MAGI2: variants seen among roughly 807,000 people sequenced by gnomAD.
MAGI2 encodes the protein membrane-associated guanylate kinase, WW and PDZ domain-containing protein 2.
In MAGI2, 35 loss-of-function variants were observed where a neutral mutation model predicts 133.3. That is an observed-to-expected ratio of 0.26 (90% CI 0.20 to 0.35). The LOEUF is 0.35. Among genes scored for constraint, MAGI2 ranks in the 10% least tolerant of loss-of-function variants. The pLI, the probability that MAGI2 is intolerant of heterozygous loss-of-function variation, is 1.00. For missense variants in MAGI2, 1,636 were observed against 1,863.4 expected, an observed-to-expected ratio of 0.88 and a Z score of 2.25; for synonymous variants, 729 against 710.6, an observed-to-expected ratio of 1.03 and a Z score of -0.41.
chr7:79,312,110 C>T (rs1488644317), intron 1 of MAGI2, among the ~76,000 whole-genome samples: 1 of 152,074 alleles, frequency 6.6e-6, no homozygotes, highest in East Asian at 1.9e-4. Context: ...AGAGTAAAAG[C>T]CAAACCTTTA....
intron 1 of MAGI2, among the ~76,000 whole-genome samples, chr7:79,322,779 CAA>C (rs57276019): frequency 0.64 from 86,757 of 135,992 alleles, 26,912 homozygotes; most frequent in Middle Eastern, 0.71. Context: ...GAGACTGTCT[CAA>C]AAAAAAAAAA....
intron 9 of MAGI2, among the ~76,000 whole-genome samples, chr7:78,282,049 C>T (rs1279332477): frequency 6.6e-6 from 1 of 151,968 alleles, no homozygotes; most frequent in African/African-American, 2.4e-5. Context: ...GCCTTTGCAA[C>T]AATCACTTCA....
At chr7:78,813,741 G>A (rs187433677) in intron 2 of MAGI2, among the ~76,000 whole-genome samples, 3 of 143,016 alleles carry the variant, frequency 2.1e-5, no homozygotes, top group Admixed American at 1.5e-4. Flanking sequence ...AGCTGAGATC[G>A]CGCCACTGAA....
intron 21 of MAGI2, among the ~76,000 whole-genome samples, chr7:78,070,148 TACAC>T (rs1175930900): frequency 1.5e-5 from 2 of 132,788 alleles, no homozygotes; most frequent in African/African-American, 5.7e-5. Flanking sequence ...TGTATATATA[TACAC>T]ACATATATAT....
chr7:78,657,912 T>C (rs1000468247), intron 2 of MAGI2, among the ~76,000 whole-genome samples: 9 of 152,238 alleles, frequency 5.9e-5, no homozygotes, highest in African/African-American at 2.2e-4. Flanking sequence ...GTGGAGGGTA[T>C]ATAAGAAATC....
intron 1 of MAGI2, among the ~76,000 whole-genome samples, chr7:79,186,199 T>TATATAA: frequency 1.6e-3 from 2 of 1,290 alleles, no homozygotes; most frequent in Non-Finnish European, 8.3e-3. Flanking sequence ...AAAATATATA[T>TATATAA]ATATATATAT....
intron 13 of MAGI2, among the ~76,000 whole-genome samples, chr7:78,183,263 T>G (rs1442088165): frequency 4.1e-5 from 6 of 147,022 alleles, no homozygotes; most frequent in Admixed American, 2.1e-4. Context: ...TTTTTGTATT[T>G]TTGTATTTTT....
At chr7:78,711,402 G>A (rs35895217) in intron 2 of MAGI2, among the ~76,000 whole-genome samples, 7,703 of 152,164 alleles carry the variant, frequency 0.051, 278 homozygotes, top group Non-Finnish European at 0.077. Context: ...ATTTCATAAC[G>A]CTTATGTGTA....
At chr7:78,081,825 C>A (rs1816006224) in intron 20 of MAGI2, among the ~76,000 whole-genome samples, 2 of 152,220 alleles carry the variant, frequency 1.3e-5, no homozygotes, top group African/African-American at 2.4e-5. Flanking sequence ...AGCTGGAAGA[C>A]TGAGGAAGGG....
intron 3 of MAGI2, among the ~76,000 whole-genome samples, chr7:78,532,365 T>C (rs1321231859): frequency 1.3e-5 from 2 of 152,354 alleles, no homozygotes; most frequent in South Asian, 2.1e-4. Context: ...TGGAAAACTG[T>C]CATTTGACTG....
intron 1 of MAGI2, among the ~76,000 whole-genome samples, chr7:79,329,257 A>G (rs1226216106): frequency 1.3e-5 from 2 of 152,268 alleles, no homozygotes; most frequent in African/African-American, 4.8e-5. Context: ...GCAACCATGC[A>G]TTAAAAGCAT....
At chr7:79,139,243 C>T (rs974233223) in intron 1 of MAGI2, among the ~76,000 whole-genome samples, 1 of 152,148 alleles carries the variant, frequency 6.6e-6, no homozygotes, top group Non-Finnish European at 1.5e-5. Context: ...AACCCAAGTT[C>T]CTATTATTTC....
chr7:78,775,320 T>TTAA (rs1825902465), intron 2 of MAGI2, among the ~76,000 whole-genome samples: 1 of 57,358 alleles, frequency 1.7e-5, no homozygotes, highest in Non-Finnish European at 3.1e-5. Context: ...CGTCTCAAAT[T>TTAA]AAAAAAAAAA....
chr7:79,123,666 A>G (rs2129544817), intron 1 of MAGI2, among the ~76,000 whole-genome samples: 1 of 151,074 alleles, frequency 6.6e-6, no homozygotes, highest in East Asian at 2.0e-4. Context: ...TGTGCCTGTA[A>G]TCCCAGCAAC....
intron 9 of MAGI2, among the ~76,000 whole-genome samples, chr7:78,283,460 AACC>A: frequency 6.6e-6 from 1 of 152,112 alleles, no homozygotes; most frequent in African/African-American, 2.4e-5. Flanking sequence ...ATCCTTTATT[AACC>A]TGAATAAGTA....
intron 3 of MAGI2, among the ~76,000 whole-genome samples, chr7:78,562,391 C>A (rs1349922218): frequency 1.3e-5 from 2 of 152,166 alleles, no homozygotes; most frequent in Non-Finnish European, 2.9e-5. Context: ...AATAACCACA[C>A]AAAAGCCAGC....
At chr7:78,524,822 A>G (rs1796815289) in intron 3 of MAGI2, among the ~76,000 whole-genome samples, 1 of 152,220 alleles carries the variant, frequency 6.6e-6, no homozygotes, top group Non-Finnish European at 1.5e-5. Context: ...CTTCTTATCT[A>G]ATAAGCATAA....
At chr7:78,517,205 T>TTTTTTTTTTTTTTTTTTTTTTTTTGAG (rs1164445060) in intron 4 of MAGI2, among the ~76,000 whole-genome samples, 1 of 152,060 alleles carries the variant, frequency 6.6e-6, no homozygotes, top group Non-Finnish European at 1.5e-5. Context: ...ATATAAATTT[T>TTTTTTTTTTTTTTTTTTTTTTTTTGAG]AAACATCGGT....
intron 1 of MAGI2, among the ~76,000 whole-genome samples, chr7:79,064,435 C>A (rs1045900149): frequency 6.6e-6 from 1 of 151,884 alleles, no homozygotes; most frequent in Non-Finnish European, 1.5e-5. Context: ...AAACCGGATC[C>A]CAGAATGTTG....
Sources: allele counts gnomAD v4.1 joint callset (sites outside exome capture counted in the v4.1 genomes callset), GRCh38; gene constraint gnomAD v4.1.1; transcripts MANE v1.5; gene names NCBI Gene and HGNC (gene_info 2026-07-23, HGNC 2026-07-21).